The following RALGAPA1 variants were observed in gnomAD, a reference collection of about 807,000 sequenced individuals.
RALGAPA1 encodes ral GTPase-activating protein subunit alpha-1.
A neutral mutation model predicts 269.6 loss-of-function variants in RALGAPA1; 52 were observed. That is an observed-to-expected ratio of 0.19 (90% CI 0.15 to 0.24). The LOEUF is 0.24. RALGAPA1 is among the 10% of genes least tolerant of loss of function. The probability of loss-of-function intolerance (pLI) is 1.00; values close to 1 mark genes in which losing one functional copy is unlikely to be tolerated. For synonymous variants in RALGAPA1, 817 were observed against 1,008.3 expected, an observed-to-expected ratio of 0.81 and a Z score of 3.60; for missense variants, 1,917 against 3,013.9, an observed-to-expected ratio of 0.64 and a Z score of 8.52.
chr14:35,543,275 G>A (rs1296008697), intron 41 of RALGAPA1, among the ~76,000 whole-genome samples: 2 of 152,142 alleles, frequency 1.3e-5, no homozygotes, highest in East Asian at 1.9e-4. Flanking sequence ...CACATAGTAG[G>A]AGCACAGTAA....
chr14:35,760,780 T>C, intron 6 of RALGAPA1, 49 bp downstream of exon 6: 1 of 1,388,650 alleles, frequency 7.2e-7, no homozygotes, highest in Non-Finnish European at 1.0e-6. Context: ...ACTAAGAGAC[T>C]ACATAGAGAG....
intron 27 of RALGAPA1, among the ~76,000 whole-genome samples, chr14:35,659,566 T>C (rs1166768055): frequency 6.6e-6 from 1 of 152,004 alleles, no homozygotes; most frequent in Non-Finnish European, 1.5e-5. Flanking sequence ...AAGAAGAATC[T>C]TTCTCAAACA....
intron 21 of RALGAPA1, among the ~76,000 whole-genome samples, chr14:35,678,547 T>C (rs1307810752): frequency 6.6e-6 from 1 of 151,998 alleles, no homozygotes; most frequent in Non-Finnish European, 1.5e-5. Context: ...CATCCTGACT[T>C]CCCCCTCCCA....
intron 26 of RALGAPA1, among the ~76,000 whole-genome samples, chr14:35,669,527 T>C (rs1344403186): frequency 6.6e-6 from 1 of 152,118 alleles, no homozygotes; most frequent in Non-Finnish European, 1.5e-5. Context: ...GTGCTGGGAG[T>C]ACAGGTGTGA....
At chr14:35,544,345 AGACTAAATG>A (rs1248356562) in intron 41 of RALGAPA1, among the ~76,000 whole-genome samples, 1 of 152,236 alleles carries the variant, frequency 6.6e-6, no homozygotes, top group Non-Finnish European at 1.5e-5. Flanking sequence ...GAAAATATTT[AGACTAAATG>A]GGTAACTGTA....
intron 35 of RALGAPA1, among the ~76,000 whole-genome samples, chr14:35,624,844 A>G (rs1295639554): frequency 6.6e-6 from 1 of 152,188 alleles, no homozygotes; most frequent in African/African-American, 2.4e-5. Flanking sequence ...AGGCTATTTT[A>G]CAGGTCCAGT....
chr14:35,574,865 A>G (rs945412594), intron 37 of RALGAPA1, among the ~76,000 whole-genome samples: 5 of 152,104 alleles, frequency 3.3e-5, no homozygotes, highest in Non-Finnish European at 5.9e-5. Flanking sequence ...GGTGGCTCAC[A>G]CTTGCAATCC....
chr14:35,721,631 C>T, intron 16 of RALGAPA1, 57 bp downstream of exon 16: 3 of 1,416,996 alleles, frequency 2.1e-6, no homozygotes, highest in Non-Finnish European at 2.9e-6. Context: ...TAAATTGTTA[C>T]CAAGGACTAT....
In RALGAPA1 at chr14:35,638,566, G is replaced by A. The variant is rs1018587434; in HGVS notation, c.5677-2968C>T. Among the ~76,000 whole-genome samples, 6 of 152,030 alleles carry A rather than the reference G, an allele frequency of 3.9e-5. No homozygotes were observed. In the East Asian group the frequency reaches 9.6e-4, roughly 24 times the overall value. On this transcript the variant is annotated intron_variant, in intron 31 of 41. Transcript: ENST00000680220. ...AAACAGGAAGGAAGGAAAGAAGGAT[G>A]AGAAGCCTGAAAAACAACAAGAAAA...
At chr14:35,647,233 A>T (rs1167547921) in intron 31 of RALGAPA1, among the ~76,000 whole-genome samples, 2 of 152,230 alleles carry the variant, frequency 1.3e-5, no homozygotes, top group Admixed American at 1.3e-4. Context: ...AAAAAAAATC[A>T]CTATATAAAT....
Position 35,808,990 on chromosome 14 carries a change from T to G in RALGAPA1, c.-155A>C. On this transcript the variant is annotated 5_prime_UTR_variant, in exon 1 of 42. Coordinates refer to ENST00000680220, the MANE Select transcript of RALGAPA1 (RefSeq NM_001346249.2). ...CAGGGCAGAGCCGACTCCTTCCCGA[T>G]CCAGGCCAGGGCCGCCACCTCCACC... The G allele has an allele frequency of 7.1e-7, 1 of 1,408,474 alleles. No homozygotes were observed. Among genetic ancestry groups the G allele is most frequent in the South Asian group, 1.5e-5 (1 of 66,694 alleles). 87.2% of individuals were successfully genotyped at this position (1,408,474 alleles called of 1,614,324 possible).
At chr14:35,599,041 T>C (rs752596917) in intron 36 of RALGAPA1, among the ~76,000 whole-genome samples, 2 of 152,188 alleles carry the variant, frequency 1.3e-5, no homozygotes, top group Non-Finnish European at 2.9e-5. Flanking sequence ...ATACATAACT[T>C]ATCACAGCCT....
intron 36 of RALGAPA1, 133 bp from the exon 37 acceptor site, chr14:35,595,922 T>C (rs1394916446): frequency 7.8e-6 from 5 of 643,428 alleles, no homozygotes; most frequent in African/African-American, 5.5e-5. Flanking sequence ...ATATTTAATC[T>C]AGAATTGTTA....
intron 25 of RALGAPA1, among the ~76,000 whole-genome samples, chr14:35,672,222 ATAT>A (rs2064520370): frequency 6.6e-6 from 1 of 152,164 alleles, no homozygotes. Context: ...TTATCTTTTA[ATAT>A]TAATATACTC....
chr14:35,596,813 CAATTT>C (rs1186922965), intron 36 of RALGAPA1, among the ~76,000 whole-genome samples: 1 of 152,120 alleles, frequency 6.6e-6, no homozygotes, highest in African/African-American at 2.4e-5. Flanking sequence ...TCTCAGAAAG[CAATTT>C]AAGTATCTTT....
intron 17 of RALGAPA1, among the ~76,000 whole-genome samples, chr14:35,696,024 G>T (rs2066867778): frequency 1.3e-5 from 2 of 152,150 alleles, no homozygotes; most frequent in South Asian, 2.1e-4. Context: ...AACTGTTATA[G>T]ATGAGTCTGA....
intron 13 of RALGAPA1, among the ~76,000 whole-genome samples, chr14:35,727,847 G>A (rs1437177355): frequency 3.3e-5 from 5 of 152,134 alleles, no homozygotes; most frequent in Non-Finnish European, 7.4e-5. Flanking sequence ...AGCAGAATTA[G>A]ACATTCTAAA....
chr14:35,639,944 A>T (rs201960558), intron 31 of RALGAPA1, among the ~76,000 whole-genome samples: 1 of 68,096 alleles, frequency 1.5e-5, no homozygotes, highest in East Asian at 8.4e-4. Context: ...GTCTCAAAAG[A>T]AAAAAAAAAA....
intron 30 of RALGAPA1, among the ~76,000 whole-genome samples, chr14:35,654,121 AG>A (rs1190363335): frequency 2.0e-5 from 3 of 152,216 alleles, no homozygotes; most frequent in African/African-American, 7.2e-5. Flanking sequence ...TACAGGCATA[AG>A]CCACCAGGCT....
Sources: gnomAD v4.1 joint callset for allele counts (sites outside exome capture counted in the v4.1 genomes callset) on GRCh38, gnomAD v4.1.1 for gene constraint, MANE v1.5 for transcripts, NCBI Gene and HGNC (gene_info 2026-07-23, HGNC 2026-07-21) for gene names.